Variants in OPHN1 observed in about 807,000 individuals in gnomAD.
The protein encoded by OPHN1 is oligophrenin 1.
Under a neutral mutation model 60.7 loss-of-function variants are expected in OPHN1, and 11 were observed. That is an observed-to-expected ratio of 0.18 (90% CI 0.11 to 0.30). The LOEUF (loss-of-function observed/expected upper bound fraction) is 0.30. Among genes scored for constraint, OPHN1 ranks in the 10% least tolerant of loss-of-function variants. OPHN1 has a pLI of 1.00. For synonymous variants in OPHN1, 226 were observed against 222.6 expected, an observed-to-expected ratio of 1.02 and a Z score of -0.14; for missense variants, 449 against 611.0, an observed-to-expected ratio of 0.73 and a Z score of 2.80.
intron 15 of OPHN1, among the ~76,000 whole-genome samples, chrX:68,156,176 T>C (rs929557313): frequency 2.0e-4 from 22 of 110,618 alleles, no homozygotes; most frequent in Admixed American, 1.5e-3. Context: ...AATAACATCC[T>C]TGCCTAAAGC....
At chrX:68,279,101 C>CTTTTTTTTTTTTTT (rs984725368) in intron 4 of OPHN1, among the ~76,000 whole-genome samples, 1 of 21,785 alleles carries the variant, frequency 4.6e-5, no homozygotes, top group Non-Finnish European at 7.2e-5. Context: ...CTCCCCCGCT[C>CTTTTTTTTTTTTTT]TTTTTTTTTT....
intron 3 of OPHN1, among the ~76,000 whole-genome samples, chrX:68,287,502 G>A (rs1022578924): frequency 2.0e-4 from 22 of 107,947 alleles, no homozygotes; most frequent in Non-Finnish European, 4.0e-4. Context: ...AAGAAAATGC[G>A]CTAGTAAAAC....
chrX:68,393,579 A>G (rs1471634422), intron 2 of OPHN1, among the ~76,000 whole-genome samples: 4 of 111,989 alleles, frequency 3.6e-5, no homozygotes, highest in African/African-American at 1.3e-4. Flanking sequence ...CTTTTTCCAT[A>G]TACAAATTGG....
At chrX:68,213,284 T>A (rs915241285) in intron 7 of OPHN1, among the ~76,000 whole-genome samples, 6 of 111,336 alleles carry the variant, frequency 5.4e-5, no homozygotes, top group Non-Finnish European at 9.4e-5. Flanking sequence ...GGTGGGAGGA[T>A]CACTTGAGCC....
chrX:68,084,045 A>G (rs1048919956), intron 19 of OPHN1, among the ~76,000 whole-genome samples: 3 of 111,317 alleles, frequency 2.7e-5, no homozygotes, highest in Admixed American at 9.5e-5. Flanking sequence ...AATGTAACAC[A>G]GAGACAAGAA....
At chrX:68,175,038 C>T (rs1214614386) in intron 15 of OPHN1, among the ~76,000 whole-genome samples, 2 of 108,398 alleles carry the variant, frequency 1.8e-5, no homozygotes, top group African/African-American at 6.7e-5. Flanking sequence ...GAGCCGAGGT[C>T]GCACCATTGC....
rs1313888165 is a variant in OPHN1, at chrX:68,043,193, G to A, written c.*3979C>T. ...CAATGAGATCACATGGACACAGGAA[G>A]GGGAATATCACACTCTGGGGACTGT... On this transcript the variant is annotated 3_prime_UTR_variant, in exon 25 of 25. Transcript: ENST00000355520. 3 of 59,104 alleles carry A rather than the reference G, an allele frequency of 5.1e-5. No homozygotes were observed. Among genetic ancestry groups the A allele is most frequent in the African/African-American group, 2.0e-4 (3 of 14,731 alleles). The allele number at this position is 59,104 out of a possible 1,213,427, so 4.9% of individuals were successfully genotyped here. A position where few individuals can be genotyped will look rare whatever the true frequency, so the allele number is the denominator to read the frequency against.
Position 68,048,427 on chromosome X carries a change from A to C in OPHN1, c.2406T>G (p.Ser802Arg). ...TGGGGACTGCATACCTGTAGCCTCA[A>C]CTTTCATCTCCAGGAAGTCTGCCTT... ...SSQGRLPGDES is the reference protein window; with the variant it reads ...SSQGRLPGDER Residue 802 changes from serine to arginine, a missense_variant, in exon 24 of 25, where the codon AGT becomes AGG. By Grantham distance (110) the Ser-to-Arg change is moderately radical. Transcript: ENST00000355520. The C allele has an allele frequency of 8.3e-7, 1 of 1,210,484 alleles. No individual in the cohort carries two copies. The highest frequency in any genetic ancestry group is 1.1e-6 in the Non-Finnish European group (1 of 894,362).
intron 3 of OPHN1, among the ~76,000 whole-genome samples, chrX:68,295,680 C>G (rs768698839): frequency 3.7e-4 from 41 of 112,243 alleles, no homozygotes; most frequent in Non-Finnish European, 6.9e-4. Flanking sequence ...GACACATGGC[C>G]TCCCACTTGT....
At chrX:68,226,843 G>A (rs778281309) in intron 6 of OPHN1, among the ~76,000 whole-genome samples, 18 of 111,456 alleles carry the variant, frequency 1.6e-4, no homozygotes, top group Admixed American at 1.1e-3. Context: ...AATAACCAGC[G>A]AACATCATAA....
At chrX:68,058,523 G>A (rs1286134265) in intron 21 of OPHN1, among the ~76,000 whole-genome samples, 1 of 111,268 alleles carries the variant, frequency 9.0e-6, no homozygotes, top group African/African-American at 3.3e-5. Flanking sequence ...CTCTTCCTAG[G>A]TGTTTGGCAT....
At chrX:68,167,838 T>C (rs745509458) in intron 15 of OPHN1, among the ~76,000 whole-genome samples, 2 of 110,329 alleles carry the variant, frequency 1.8e-5, no homozygotes, top group Non-Finnish European at 3.8e-5. Context: ...GCAACTTAAG[T>C]ATCCATCAAC....
chrX:68,328,350 G>A (rs1203477266), intron 2 of OPHN1, among the ~76,000 whole-genome samples: 4 of 109,618 alleles, frequency 3.6e-5, no homozygotes, highest in Non-Finnish European at 5.7e-5. Flanking sequence ...AGATGGTCTC[G>A]ATCTCCTGAC....
chrX:68,271,268 G>A (rs1242619981), intron 5 of OPHN1, among the ~76,000 whole-genome samples: 2 of 110,406 alleles, frequency 1.8e-5, no homozygotes, highest in East Asian at 2.9e-4. Flanking sequence ...GCTCACGCCT[G>A]TAATTCTAAC....
intron 20 of OPHN1, chrX:68,071,575 C>T (rs2076934824): frequency 1.7e-6 from 1 of 581,665 alleles, no homozygotes; most frequent in African/African-American, 2.2e-5. Context: ...TCAGGCTGGC[C>T]TAGGTGGCTC....
chrX:68,231,311 C>G (rs1219439046), intron 6 of OPHN1, among the ~76,000 whole-genome samples: 1 of 111,885 alleles, frequency 8.9e-6, no homozygotes. Flanking sequence ...AGAATAGTGA[C>G]AAGGATGTGG....
At chrX:68,390,939 G>T (rs2078650590) in intron 2 of OPHN1, among the ~76,000 whole-genome samples, 1 of 111,742 alleles carries the variant, frequency 8.9e-6, no homozygotes, top group Non-Finnish European at 1.9e-5. Context: ...TGTTGGTAGG[G>T]CTGCATTCTT....
chrX:68,274,240 G>A (rs1308274523), intron 5 of OPHN1, among the ~76,000 whole-genome samples: 1 of 111,864 alleles, frequency 8.9e-6, no homozygotes, highest in Non-Finnish European at 1.9e-5. Flanking sequence ...CTTGTCCAAG[G>A]CTCAGTTACC....
intron 15 of OPHN1, among the ~76,000 whole-genome samples, chrX:68,174,132 T>C (rs2077403585): frequency 8.9e-6 from 1 of 111,918 alleles, no homozygotes; most frequent in African/African-American, 3.2e-5. Flanking sequence ...TGTGTATTAA[T>C]TGTACTTCAA....
Sources: allele counts gnomAD v4.1 joint callset (sites outside exome capture counted in the v4.1 genomes callset), GRCh38; gene constraint gnomAD v4.1.1; transcripts MANE v1.5; gene names NCBI Gene and HGNC (gene_info 2026-07-23, HGNC 2026-07-21).